OR2L13: variants seen among roughly 807,000 people sequenced by gnomAD.
OR2L13 encodes the protein olfactory receptor 2L13.
Under a neutral mutation model 15.3 loss-of-function variants are expected in OR2L13, and 14 were observed. The observed-to-expected ratio is 0.91, with a 90% CI of 0.60 to 1.43. OR2L13 has a LOEUF of 1.43. Among genes scored for constraint, OR2L13 ranks in the 40% most tolerant of loss-of-function variants. The probability of loss-of-function intolerance (pLI) is 0.00; values close to 1 mark genes in which losing one functional copy is unlikely to be tolerated. For synonymous variants in OR2L13, 152 were observed against 142.9 expected, an observed-to-expected ratio of 1.06 and a Z score of -0.45; for missense variants, 367 against 387.9, an observed-to-expected ratio of 0.95 and a Z score of 0.45.
the OR2L13 span, among the ~76,000 whole-genome samples, chr1:248,055,255 A>G: frequency 1.3e-5 from 2 of 152,276 alleles, no homozygotes; most frequent in African/African-American, 2.4e-5. Context: ...TGATTTGTGT[A>G]TGTACAACCA....
chr1:248,024,561 T>G, the OR2L13 span, among the ~76,000 whole-genome samples: 1 of 152,210 alleles, frequency 6.6e-6, no homozygotes, highest in East Asian at 1.9e-4. Flanking sequence ...AAGTCTTTAA[T>G]CCATCTTGAA....
chr1:248,072,498 A>C, the OR2L13 span, among the ~76,000 whole-genome samples: 1 of 152,136 alleles, frequency 6.6e-6, no homozygotes, highest in South Asian at 2.1e-4. Context: ...AAAGACTTAA[A>C]CGTTAGACCT....
At chr1:248,002,377 A>T in the OR2L13 span, among the ~76,000 whole-genome samples, 3 of 115,706 alleles carry the variant, frequency 2.6e-5, no homozygotes, top group African/African-American at 1.6e-4. Flanking sequence ...AAACAATTTC[A>T]TTGTCTCCAA....
chr1:248,049,907 T>G, the OR2L13 span, among the ~76,000 whole-genome samples: 1 of 152,214 alleles, frequency 6.6e-6, no homozygotes, highest in Middle Eastern at 3.2e-3. Flanking sequence ...TATGTATGTA[T>G]ATATGTATAT....
At chr1:248,014,572 A>G in the OR2L13 span, among the ~76,000 whole-genome samples, 2 of 152,168 alleles carry the variant, frequency 1.3e-5, no homozygotes, top group African/African-American at 4.8e-5. Context: ...TAAGAAGGAA[A>G]TGAGCATAGT....
chr1:248,071,825 C>T, the OR2L13 span, among the ~76,000 whole-genome samples: 2 of 149,670 alleles, frequency 1.3e-5, no homozygotes, highest in Non-Finnish European at 3.0e-5. Context: ...CATTCTTATA[C>T]ACCAATAACA....
At chr1:248,084,656 C>T in the OR2L13 span, 5 of 1,524,324 alleles carry the variant, frequency 3.3e-6, no homozygotes, top group Non-Finnish European at 4.4e-6. Context: ...CTTTTATCAT[C>T]TGAATAACGA....
At chr1:248,100,344 C>A in exon 3 of OR2L13, 1 of 1,361,196 alleles carries the variant, frequency 7.3e-7, no homozygotes, top group Non-Finnish European at 1.0e-6. Context: ...CTTTGTATTT[C>A]CTCTTTCCAA....
the OR2L13 span, among the ~76,000 whole-genome samples, chr1:247,964,081 A>G: frequency 6.6e-6 from 1 of 152,226 alleles, no homozygotes; most frequent in South Asian, 2.1e-4. Flanking sequence ...TCTTGTAGTA[A>G]TACTCTTCAT....
At chr1:247,940,445 TATC>T in the OR2L13 span, among the ~76,000 whole-genome samples, 5 of 152,224 alleles carry the variant, frequency 3.3e-5, no homozygotes, top group African/African-American at 9.6e-5. Context: ...ATTTAATAAA[TATC>T]ATAAAGTATT....
chr1:247,993,806 A>G, the OR2L13 span, among the ~76,000 whole-genome samples: 4 of 136,294 alleles, frequency 2.9e-5, no homozygotes, highest in East Asian at 2.0e-4. Flanking sequence ...AGAGAGAGAG[A>G]GAGAGAAAGA....
chr1:248,044,500 A>T, the OR2L13 span, among the ~76,000 whole-genome samples: 34 of 150,306 alleles, frequency 2.3e-4, 1 homozygote, highest in African/African-American at 8.3e-4. Context: ...ACGCATCCGG[A>T]CTCCTTAAAA....
At chr1:247,961,205 A>G in the OR2L13 span, among the ~76,000 whole-genome samples, 2 of 152,220 alleles carry the variant, frequency 1.3e-5, no homozygotes, top group African/African-American at 4.8e-5. Context: ...ACAATGCCCA[A>G]TATGAGCCTG....
the OR2L13 span, among the ~76,000 whole-genome samples, chr1:248,080,132 T>A: frequency 6.6e-6 from 1 of 151,854 alleles, no homozygotes; most frequent in Non-Finnish European, 1.5e-5. Flanking sequence ...TACAGATACA[T>A]ATTTTTTTTT....
chr1:248,027,354 G>A, the OR2L13 span, among the ~76,000 whole-genome samples: 113 of 152,152 alleles, frequency 7.4e-4, 1 homozygote, highest in African/African-American at 2.3e-3. Context: ...TTTTAATTTC[G>A]CCCCAGTCCT....
the OR2L13 span, chr1:248,021,780 A>G: frequency 3.2e-5 from 16 of 501,062 alleles, no homozygotes; most frequent in African/African-American, 3.1e-4. Flanking sequence ...ATTAAAATTT[A>G]TAATACATAT....
chr1:247,991,462 C>G, the OR2L13 span, among the ~76,000 whole-genome samples: 1 of 149,084 alleles, frequency 6.7e-6, no homozygotes, highest in Non-Finnish European at 1.5e-5. Flanking sequence ...AAGTTTACCT[C>G]AGGATAAATA....
the OR2L13 span, chr1:247,975,174 G>A: frequency 2.5e-6 from 1 of 398,084 alleles, no homozygotes; most frequent in Non-Finnish European, 5.0e-6. Context: ...GATGATAATA[G>A]GATCTTGGAT....
chr1:248,095,607 C>CTTTTTTTTTTTTTTTATTTTTTTTT (rs1664717019), upstream of OR2L13, among the ~76,000 whole-genome samples: 2 of 37,294 alleles, frequency 5.4e-5, 1 homozygote, highest in African/African-American at 1.4e-4. Flanking sequence ...AAAGCTGCTG[C>CTTTTTTTTTTTTTTTATTTTTTTTT]TTTTTTTTTT....
Sources: gnomAD v4.1 joint callset for allele counts (sites outside exome capture counted in the v4.1 genomes callset) on GRCh38, gnomAD v4.1.1 for gene constraint, MANE v1.5 for transcripts, NCBI Gene and HGNC (gene_info 2026-07-23, HGNC 2026-07-21) for gene names.